Variants in ATP8B1 observed in about 807,000 individuals in gnomAD.
ATP8B1 encodes phospholipid-transporting ATPase IC.
A neutral mutation model predicts 149.9 loss-of-function variants in ATP8B1; 80 were observed. The observed-to-expected ratio is 0.53, with a 90% CI of 0.45 to 0.64. ATP8B1 has a LOEUF of 0.64. ATP8B1 is among the 30% of genes least tolerant of loss of function. The pLI is 0.00. For missense variants in ATP8B1, 1,247 were observed against 1,552.6 expected (o/e 0.80, Z 3.31); for synonymous variants, 536 against 562.8 (o/e 0.95, Z 0.67).
intron 19 of ATP8B1, chr18:57,667,776 C>T (rs757583228): frequency 5.4e-6 from 1 of 184,608 alleles, no homozygotes; most frequent in Non-Finnish European, 1.2e-5. Flanking sequence ...TAATTTCCAC[C>T]AACCCTTACG....
chr18:57,751,176 C>G (rs1042665229), intron 1 of ATP8B1, among the ~76,000 whole-genome samples: 3 of 151,948 alleles, frequency 2.0e-5, no homozygotes, highest in Non-Finnish European at 4.4e-5. Flanking sequence ...ATGGCTTAAA[C>G]ATTAGTAATT....
intron 4 of ATP8B1, among the ~76,000 whole-genome samples, chr18:57,704,289 C>T (rs1041154853): frequency 2.0e-5 from 3 of 152,100 alleles, no homozygotes; most frequent in African/African-American, 7.2e-5. Flanking sequence ...TTATTCACTT[C>T]AGGGATACCA....
intron 20 of ATP8B1, among the ~76,000 whole-genome samples, chr18:57,664,254 C>G (rs1910713099): frequency 6.6e-6 from 1 of 151,702 alleles, no homozygotes; most frequent in African/African-American, 2.4e-5. Context: ...CACCTGTAAT[C>G]CCAGCACTTT....
chr18:57,780,689 G>A (rs960476840), intron 1 of ATP8B1, among the ~76,000 whole-genome samples: 1 of 152,290 alleles, frequency 6.6e-6, no homozygotes, highest in Non-Finnish European at 1.5e-5. Context: ...AAATCTCTCA[G>A]TTGGCTTCAA....
intron 2 of ATP8B1, among the ~76,000 whole-genome samples, chr18:57,719,725 C>A (rs941266664): frequency 2.0e-5 from 3 of 152,218 alleles, no homozygotes; most frequent in Non-Finnish European, 4.4e-5. Context: ...GTAAACAAAG[C>A]AGCCGGGAAG....
chr18:57,712,994 C>T (rs1465010004), intron 2 of ATP8B1, among the ~76,000 whole-genome samples: 1 of 151,840 alleles, frequency 6.6e-6, no homozygotes, highest in Non-Finnish European at 1.5e-5. Context: ...GTAGTGATAC[C>T]CAGTTAATAT....
intron 1 of ATP8B1, among the ~76,000 whole-genome samples, chr18:57,738,790 A>G (rs1016045334): frequency 1.3e-5 from 2 of 151,996 alleles, no homozygotes; most frequent in Non-Finnish European, 2.9e-5. Context: ...ACTTTCCACA[A>G]TTAACTTCCA....
intron 1 of ATP8B1, among the ~76,000 whole-genome samples, chr18:57,778,303 G>A (rs916570311): frequency 6.8e-6 from 1 of 147,684 alleles, no homozygotes; most frequent in African/African-American, 2.5e-5. Context: ...TCGGCTCACT[G>A]CAAGCTCCGC....
At chr18:57,788,071 C>T (rs1028604403) in intron 1 of ATP8B1, among the ~76,000 whole-genome samples, 9 of 152,044 alleles carry the variant, frequency 5.9e-5, no homozygotes, top group African/African-American at 1.9e-4. Context: ...CAAAATAAAA[C>T]CTATTGTCTA....
chr18:57,649,578 T>C, intron 27 of ATP8B1, among the ~76,000 whole-genome samples: 1 of 152,074 alleles, frequency 6.6e-6, no homozygotes, highest in East Asian at 1.9e-4. Flanking sequence ...TAATGGAAAT[T>C]GATTGTATTC....
intron 1 of ATP8B1, among the ~76,000 whole-genome samples, chr18:57,732,273 A>G (rs1224010153): frequency 3.6e-5 from 1 of 27,540 alleles, no homozygotes; most frequent in East Asian, 1.6e-3. Flanking sequence ...GTATATATGT[A>G]TATATGTGTA....
intron 2 of ATP8B1, among the ~76,000 whole-genome samples, chr18:57,713,455 C>A (rs1913834454): frequency 6.7e-6 from 1 of 148,942 alleles, no homozygotes; most frequent in Admixed American, 6.7e-5. Context: ...TACCACCATG[C>A]CCAGCTAATT....
Position 57,731,329 on chromosome 18 carries a change from AT to A in ATP8B1, c.181+297del. 9.6e-3 allele frequency: 3 copies of A among 314 alleles called. 1 individual carries two copies. The highest frequency in any genetic ancestry group is 0.02 in the Non-Finnish European group (3 of 148). 0.0% of individuals were successfully genotyped at this position (314 alleles called of 1,614,324 possible). A position where few individuals can be genotyped will look rare whatever the true frequency, so the allele number is the denominator to read the frequency against. ...TCAAAATATATATATATATATATAT[AT>A]ATATATATATATATATATATATATA... On this transcript the variant is annotated intron_variant, in intron 2 of 27. Transcript: ENST00000648908.
At chr18:57,748,335 C>G (rs1052322561) in intron 1 of ATP8B1, among the ~76,000 whole-genome samples, 1 of 152,188 alleles carries the variant, frequency 6.6e-6, no homozygotes, top group African/African-American at 2.4e-5. Context: ...AGAATAAAAT[C>G]CCTTGGAGAC....
intron 1 of ATP8B1, chr18:57,740,570 T>TC (rs1005955881): frequency 1.3e-4 from 2 of 15,448 alleles, no homozygotes; most frequent in African/African-American, 6.4e-4. Flanking sequence ...TTTTTCTTCC[T>TC]TTTTTTTTTT....
At chr18:57,793,274 C>T (rs1422472375) in intron 1 of ATP8B1, among the ~76,000 whole-genome samples, 5 of 152,242 alleles carry the variant, frequency 3.3e-5, no homozygotes, top group East Asian at 3.9e-4. Context: ...AAAAGTTGCA[C>T]GTATGCCTGT....
chr18:57,727,925 T>G (rs2079725006), intron 2 of ATP8B1, among the ~76,000 whole-genome samples: 1 of 152,196 alleles, frequency 6.6e-6, no homozygotes, highest in Non-Finnish European at 1.5e-5. Context: ...TCCCGCTCAT[T>G]TCTGAGAATC....
chr18:57,651,915 T>G, intron 26 of ATP8B1, 119 bp downstream of exon 26: 7 of 1,283,748 alleles, frequency 5.5e-6, no homozygotes, highest in Non-Finnish European at 7.7e-6. Context: ...ATTACAGGTG[T>G]GAGCCACTGT....
chr18:57,692,454 T>A (rs867061300), intron 11 of ATP8B1, among the ~76,000 whole-genome samples: 1,499 of 82,480 alleles, frequency 0.018, 3 homozygotes, highest in Middle Eastern at 0.061. Flanking sequence ...TTTTTTTTTT[T>A]AGACAGCGTC....
Sources: allele counts gnomAD v4.1 joint callset (sites outside exome capture counted in the v4.1 genomes callset), GRCh38; gene constraint gnomAD v4.1.1; transcripts MANE v1.5; gene names NCBI Gene and HGNC (gene_info 2026-07-23, HGNC 2026-07-21).